CACNA1E: variants seen among roughly 807,000 people sequenced by gnomAD.
CACNA1E encodes the protein voltage-dependent R-type calcium channel subunit alpha-1E.
Under a neutral mutation model 259.2 loss-of-function variants are expected in CACNA1E, and 40 were observed. The observed-to-expected ratio is 0.15, with a 90% confidence interval of 0.12 to 0.20. CACNA1E has a LOEUF of 0.20. CACNA1E is among the 10% of genes least tolerant of loss of function. The probability of loss-of-function intolerance (pLI) is 1.00; values close to 1 mark genes in which losing one functional copy is unlikely to be tolerated. For missense variants in CACNA1E, 1,874 were observed against 3,040.1 expected, an observed-to-expected ratio of 0.62 and a Z score of 9.02; for synonymous variants, 1,104 against 1,138.5, an observed-to-expected ratio of 0.97 and a Z score of 0.61.
intron 2 of CACNA1E, among the ~76,000 whole-genome samples, chr1:181,510,983 C>T (rs112813713): frequency 7.9e-5 from 12 of 152,342 alleles, no homozygotes; most frequent in Admixed American, 2.6e-4. Flanking sequence ...ACACATCTAA[C>T]GTATTCCCCC....
chr1:181,362,697 G>A (rs2804694), intron 1 of CACNA1E, among the ~76,000 whole-genome samples: 67,101 of 152,124 alleles, frequency 0.44, 16,231 homozygotes, highest in African/African-American at 0.65. Flanking sequence ...GAGGCAGCTT[G>A]CTGGGGACCT....
At position 181,527,870 on chromosome 1, in the gene CACNA1E, T is replaced by TTTTATTC. The variant is rs1667477533; in HGVS notation, c.512+16364_512+16370dup. Among the ~76,000 whole-genome samples the TTTTATTC allele has an allele frequency of 3.3e-5, 5 of 150,916 alleles. No individual in the cohort carries two copies. The South Asian group carries it at 1.1e-3, about 34-fold the overall frequency. On this transcript the variant is annotated intron_variant, in intron 3 of 47. Coordinates refer to ENST00000367573, the MANE Select transcript of CACNA1E (RefSeq NM_001205293.3). ...ATATTTATTGTAATAAATGGTTTGT[T>TTTTATTC]TTTATTCTTTTCCTTTATTTTATTT...
At chr1:181,507,350 C>A (rs1267075532) in intron 1 of CACNA1E, among the ~76,000 whole-genome samples, 7 of 152,224 alleles carry the variant, frequency 4.6e-5, no homozygotes, top group Admixed American at 4.6e-4. Context: ...TTGGCTACAC[C>A]TTCCTGAGCT....
intron 26 of CACNA1E, 23 bp downstream of exon 26, chr1:181,750,510 G>T (rs1306099574): frequency 6.2e-7 from 1 of 1,608,806 alleles, no homozygotes. Flanking sequence ...GATTATCTTT[G>T]AAGTAAACGA....
In CACNA1E at chr1:181,681,975, C is replaced by A. The variant is rs375918179; in HGVS notation, c.1056-28979C>A. On this transcript the variant is annotated intron_variant, in intron 7 of 47. Transcript: ENST00000367573. ...TTCTCTTCAGCCACACTTTCTATAA[C>A]TGTGAAAGGGGAAAGAGAAGCTCTG... Among the ~76,000 whole-genome samples the A allele has an allele frequency of 4.9e-4, 75 of 152,286 alleles. No homozygotes were observed. The East Asian group carries it at 0.011, about 23-fold the overall frequency.
chr1:181,732,816 C>A lies in CACNA1E; in HGVS notation c.2730C>A (p.Asp910Glu). The change falls in exon 20 of 48, where the codon GAC (aspartate) becomes GAA (glutamate). Residue 910 changes from aspartate (D) to glutamate (E), a missense_variant. Physicochemically the swap from Asp to Glu is conservative, Grantham distance 45. Coordinates refer to ENST00000367573, the MANE Select transcript of CACNA1E (RefSeq NM_001205293.3). The surrounding 1 kb of genome is among the most constrained non-coding windows in gnomAD (Gnocchi z 5.5). ...GGGEAVVTFE[D>E]RARHRQSQRR... ...GAGAGGCTGTGGTGACCTTTGAGGA[C>A]CGGGCCAGGCACAGGCAGAGCCAAC... 1 of 1,609,854 alleles carries A rather than the reference C, an allele frequency of 6.2e-7. No homozygotes were observed. Among genetic ancestry groups the A allele is most frequent in the Non-Finnish European group, 8.5e-7 (1 of 1,177,670 alleles).
intron 3 of CACNA1E, among the ~76,000 whole-genome samples, chr1:181,544,125 G>A (rs983539358): frequency 2.6e-5 from 4 of 152,130 alleles, no homozygotes; most frequent in Admixed American, 6.5e-5. Context: ...AATACTACTC[G>A]ACAATGAAAA....
rs974513791 is a variant in CACNA1E, at chr1:181,798,080, T to C, written c.6400-212T>C. Among the ~76,000 whole-genome samples, 6 of 152,200 alleles carry C rather than the reference T, an allele frequency of 3.9e-5. No individual in the cohort carries two copies. Among genetic ancestry groups the C allele is most frequent in the African/African-American group, 1.4e-4 (6 of 41,458 alleles). ...GTTTAACCAGATCCCCAGAGGTTTG[T>C]ATGCACAAAGTCTGAGATGTCCTGG... On this transcript the variant is annotated intron_variant, in intron 47 of 47. Coordinates refer to ENST00000367573, the MANE Select transcript of CACNA1E (RefSeq NM_001205293.3). The surrounding 1 kb of genome is among the most constrained non-coding windows in gnomAD (Gnocchi z 4.2).
At chr1:181,470,329 T>C (rs1467480725) in intron 2 of CACNA1E, among the ~76,000 whole-genome samples, 2 of 152,036 alleles carry the variant, frequency 1.3e-5, no homozygotes, top group African/African-American at 4.8e-5. Flanking sequence ...GCTGGGATTA[T>C]AGGCATGTGC....
At chr1:181,477,606 C>T (rs1256826003) in intron 2 of CACNA1E, among the ~76,000 whole-genome samples, 1 of 151,948 alleles carries the variant, frequency 6.6e-6, no homozygotes, top group East Asian at 1.9e-4. Flanking sequence ...TTCCTCCATT[C>T]CTCTTTCTGA....
rs1208298604 is a variant in CACNA1E, at chr1:181,806,995, T to TA, written c.*8167dup. The TA allele has an allele frequency of 6.6e-6, 1 of 152,030 alleles. No individual in the cohort carries two copies. The highest frequency in any genetic ancestry group is 1.9e-4 in the East Asian group (1 of 5,156). 9.4% of individuals were successfully genotyped at this position (152,030 alleles called of 1,614,324 possible). On this transcript the variant is annotated 3_prime_UTR_variant, in exon 48 of 48. Transcript: ENST00000367573. ...CTGGCTCTGAAAGGTTTTCTTTTGT[T>TA]AAAAAATGCACTTTGTGCTGTGTGT... is the stretch of plus-strand genomic sequence containing the variant.
intron 27 of CACNA1E, among the ~76,000 whole-genome samples, chr1:181,752,814 C>T (rs1020483300): frequency 5.9e-5 from 9 of 152,160 alleles, no homozygotes; most frequent in South Asian, 2.1e-4. Flanking sequence ...ATTGCCAGGA[C>T]CTTTACTAGG....
chr1:181,731,107 TG>T lies in CACNA1E; in HGVS notation c.2241-66del, dbSNP rs1655431169. 6 of 1,244,906 alleles carry T rather than the reference TG, an allele frequency of 4.8e-6. No homozygotes were observed. The South Asian group carries it at 7.4e-5, about 15-fold the overall frequency. The allele number at this position is 1,244,906 out of a possible 1,614,324, so 77.1% of individuals were successfully genotyped here. A position where few individuals can be genotyped will look rare whatever the true frequency, so the allele number is the denominator to read the frequency against. On this transcript the variant is annotated intron_variant, in intron 18 of 47. Coordinates refer to ENST00000367573, the MANE Select transcript of CACNA1E (RefSeq NM_001205293.3). ...TCCCTGTCTCCCTCTGGAAATCTGC[TG>T]GTGGCTGTGGGGCTTGAGGTTCCTA...
chr1:181,406,993 A>C (rs1011498096), intron 1 of CACNA1E, among the ~76,000 whole-genome samples: 1 of 152,222 alleles, frequency 6.6e-6, no homozygotes, highest in Non-Finnish European at 1.5e-5. Flanking sequence ...CAAGTGGCAG[A>C]AATGTAGCCT....
intron 7 of CACNA1E, among the ~76,000 whole-genome samples, chr1:181,661,928 TG>T: frequency 6.6e-6 from 1 of 152,324 alleles, no homozygotes; most frequent in South Asian, 2.1e-4. Flanking sequence ...ATGTCCTTTA[TG>T]GAAGGAAATT....
intron 7 of CACNA1E, among the ~76,000 whole-genome samples, chr1:181,657,387 A>C (rs1339803271): frequency 1.3e-5 from 2 of 152,162 alleles, no homozygotes; most frequent in Non-Finnish European, 2.9e-5. Context: ...TTCAGTTTTT[A>C]AGTATAATAT....
chr1:181,776,314 C>A lies in CACNA1E; in HGVS notation c.5267+86C>A. 1 of 1,339,774 alleles carries A rather than the reference C, an allele frequency of 7.5e-7. No homozygotes were observed. Among genetic ancestry groups the A allele is most frequent in the Non-Finnish European group, 1.1e-6 (1 of 934,334 alleles). The allele number at this position is 1,339,774 out of a possible 1,614,324, so 83.0% of individuals were successfully genotyped here. On this transcript the variant is annotated intron_variant, in intron 38 of 47. Coordinates refer to ENST00000367573, the MANE Select transcript of CACNA1E (RefSeq NM_001205293.3). This position sits in a 1 kb window ranked among gnomAD's most constrained non-coding sequence, Gnocchi z 4.4. ...GGAAGAGGCTGGAATTGGAGCCACC[C>A]AAATGCCTGCCTGTTACAGAAGGAA...
chr1:181,721,735 C>A (rs74127830), intron 15 of CACNA1E, 23 bp from the exon 16 acceptor site: 7 of 1,497,036 alleles, frequency 4.7e-6, no homozygotes, highest in Non-Finnish European at 6.5e-6. Flanking sequence ...GTTTCTGATG[C>A]GCCTGTCATT....
intron 7 of CACNA1E, among the ~76,000 whole-genome samples, chr1:181,671,884 G>T (rs1054284747): frequency 6.6e-6 from 1 of 152,080 alleles, no homozygotes; most frequent in African/African-American, 2.4e-5. Flanking sequence ...CCCATTACTG[G>T]GTATATACCT....
Sources: gnomAD v4.1 joint callset for allele counts (sites outside exome capture counted in the v4.1 genomes callset) on GRCh38, gnomAD v4.1.1 for gene constraint, Gnocchi (gnomAD v3.1) non-coding constraint, MANE v1.5 for transcripts, NCBI Gene and HGNC (gene_info 2026-07-23, HGNC 2026-07-21) for gene names.